Variants in HDAC7 observed in about 807,000 individuals in gnomAD.
The protein encoded by HDAC7 is histone deacetylase 7.
Under a neutral mutation model 115.5 loss-of-function variants are expected in HDAC7, and 26 were observed. The observed-to-expected ratio is 0.23, with a 90% CI of 0.16 to 0.31. The LOEUF (loss-of-function observed/expected upper bound fraction) is 0.31. Ranked by LOEUF, HDAC7 falls within the 10% of genes least tolerant of loss-of-function variation. The pLI is 1.00. For missense variants in HDAC7, 1,068 were observed against 1,329.0 expected, an observed-to-expected ratio of 0.80 and a Z score of 3.05; for synonymous variants, 564 against 550.9, an observed-to-expected ratio of 1.02 and a Z score of -0.33.
intron 1 of HDAC7, among the ~76,000 whole-genome samples, chr12:47,809,763 G>C (rs60262639): frequency 0.013 from 1,995 of 151,856 alleles, 55 homozygotes; most frequent in African/African-American, 0.046. Flanking sequence ...TAGAGACGGG[G>C]TTTCACCCTG....
chr12:47,799,524 T>A (rs1009279693), intron 2 of HDAC7, among the ~76,000 whole-genome samples: 1 of 152,158 alleles, frequency 6.6e-6, no homozygotes, highest in African/African-American at 2.4e-5. Context: ...TGAGATAAAG[T>A]GATGCCTCAA....
Position 47,785,427 on chromosome 12 carries a change from G to C in HDAC7, c.2751C>G (p.Leu917=). The change falls in exon 24 of 26, where the codon CTC becomes CTG. Residue 917 remains leucine, a synonymous_variant. Coordinates refer to ENST00000080059, the MANE Select transcript of HDAC7 (RefSeq NM_015401.5). ...SEEGWKQKPN[L]NAIRSLEAVI... Reference sequence around the variant, plus strand: ...CGGCCTCCAGAGAGCGGATGGCATTGAGGTTGGGTTTCTGTTTCCAGCCTT... The same window carrying C: ...CGGCCTCCAGAGAGCGGATGGCATTCAGGTTGGGTTTCTGTTTCCAGCCTT... 6.2e-7 allele frequency: 1 copy of C among 1,613,214 alleles called. No individual in the cohort carries two copies. The highest frequency in any genetic ancestry group is 1.1e-5 in the South Asian group (1 of 90,908).
At chr12:47,802,604 T>C in intron 1 of HDAC7, 1 of 851,180 alleles carries the variant, frequency 1.2e-6, no homozygotes. Context: ...GATACAATCT[T>C]CCCTGGGCAG....
In HDAC7 at chr12:47,783,568, C is replaced by T; in HGVS notation, c.*273G>A. ...AGTCCTGAGGAATGGGGGCCACAGC[C>T]AGGGCCCATACTGGAGGGGAGAATC... is the stretch of plus-strand genomic sequence containing the variant. On this transcript the variant is annotated 3_prime_UTR_variant, in exon 26 of 26. Coordinates refer to ENST00000080059, the MANE Select transcript of HDAC7 (RefSeq NM_015401.5). 1 of 503,902 alleles carries T rather than the reference C, an allele frequency of 2.0e-6. No homozygotes were observed. Among genetic ancestry groups the T allele is most frequent in the South Asian group, 2.1e-5 (1 of 48,328 alleles). 31.2% of individuals were successfully genotyped at this position (503,902 alleles called of 1,614,324 possible).
Position 47,798,707 on chromosome 12 carries a change from G to T in HDAC7, c.259-55C>A. 1 of 1,576,642 alleles carries T rather than the reference G, an allele frequency of 6.3e-7. No individual in the cohort carries two copies. Among genetic ancestry groups the T allele is most frequent in the Non-Finnish European group, 8.6e-7 (1 of 1,159,560 alleles). On this transcript the variant is annotated intron_variant, in intron 3 of 25. Coordinates refer to ENST00000080059, the MANE Select transcript of HDAC7 (RefSeq NM_015401.5). The surrounding 1 kb of genome is among the most constrained non-coding windows in gnomAD (Gnocchi z 4.3). ...GACAAGGAGTTGAGGACTGAGACTG[G>T]TGTCTAGGGATGCTGAAGGCGGGGA... is the stretch of plus-strand genomic sequence containing the variant.
chr12:47,802,066 C>T (rs1592676398), intron 2 of HDAC7, among the ~76,000 whole-genome samples, 158 bp downstream of exon 2: 1 of 152,218 alleles, frequency 6.6e-6, no homozygotes, highest in Non-Finnish European at 1.5e-5. Context: ...TCTCTTACCC[C>T]GGCTCCTCGC....
At position 47,795,664 on chromosome 12, in the gene HDAC7, G is replaced by C; in HGVS notation, c.1010C>G (p.Ala337Gly). Residue 337 changes from alanine to glycine, a missense_variant, in exon 10 of 26, where the codon GCT becomes GGT. By Grantham distance (60) the Ala-to-Gly change is moderately conservative. Around this residue, in one of 6 missense-constraint regions of HDAC7, gnomAD observed 618 missense variants for 701.5 expected, o/e 0.88. Transcript: ENST00000080059. The surrounding 1 kb of genome is among the most constrained non-coding windows in gnomAD (Gnocchi z 4.3). ...LFLPHGLEPE[A>G]GGTLPSRLQP... ...CAGGCGAGAGGGCAAGGTGCCCCCA[G>C]CCTCGGGCTCCAAGCCATGGGGCAG... 1 of 1,552,846 alleles carries C rather than the reference G, an allele frequency of 6.4e-7. No homozygotes were observed. Among genetic ancestry groups the C allele is most frequent in the Non-Finnish European group, 8.7e-7 (1 of 1,147,954 alleles).
Position 47,798,564 on chromosome 12 carries a change from C to G in HDAC7, c.347G>C (p.Arg116Pro), listed in dbSNP as rs751520680. The change falls in exon 4 of 26, where the codon CGA (arginine) becomes CCA (proline). Residue 116 changes from arginine (R) to proline (P), a missense_variant and splice_region_variant. Arg to Pro is a moderately radical substitution (Grantham distance 103). Around this residue, in one of 6 missense-constraint regions of HDAC7, gnomAD observed 161 missense variants for 158.5 expected, o/e 1.02. Transcript: ENST00000080059. This position sits in a 1 kb window ranked among gnomAD's most constrained non-coding sequence, Gnocchi z 4.3. ...RQLLHKDKSK[R>P]SAVASSVVKQ... ...GGCTGGGGTGGCCACCTCCTTACTT[C>G]GCTTGCTCTTGTCCTTGTGGAGAAG... The G allele has an allele frequency of 6.2e-7, 1 of 1,613,678 alleles. No homozygotes were observed. Among genetic ancestry groups the G allele is most frequent in the South Asian group, 1.1e-5 (1 of 91,062 alleles).
In HDAC7 at chr12:47,798,140, T is replaced by G. The variant is rs1943967289; in HGVS notation, c.429A>C (p.Thr143=). ...GAATGCCGGGGCTGTTGGGATGGACTGTTCTTTCTAGGGCCGCCTGCTGTT... is the reference window on the plus strand; with the variant it reads ...GAATGCCGGGGCTGTTGGGATGGACGGTTCTTTCTAGGGCCGCCTGCTGTT... ...LKKQQAALER[T]VHPNSPGIPY... Residue 143 remains threonine, a synonymous_variant, in exon 5 of 26, where the codon ACA becomes ACC. Transcript: ENST00000080059. The surrounding 1 kb of genome is among the most constrained non-coding windows in gnomAD (Gnocchi z 4.3). The G allele has an allele frequency of 3.1e-6, 5 of 1,613,740 alleles. No individual in the cohort carries two copies. The highest frequency in any genetic ancestry group is 3.4e-6 in the Non-Finnish European group (4 of 1,179,836).
intron 19 of HDAC7, chr12:47,788,455 G>A (rs867773348): frequency 7.5e-6 from 2 of 267,420 alleles, no homozygotes; most frequent in Non-Finnish European, 7.1e-6. Context: ...TGGACATGGG[G>A]TTAGTGGCAA....
rs1006311319 is a variant in HDAC7 at position 47,803,828 on chromosome 12, C to G, written c.20-1554G>C. Among the ~76,000 whole-genome samples the G allele has an allele frequency of 1.3e-5, 2 of 152,204 alleles. No individual in the cohort carries two copies. The highest frequency in any genetic ancestry group is 1.3e-4 in the Admixed American group (2 of 15,290). On this transcript the variant is annotated intron_variant, in intron 1 of 25. Coordinates refer to ENST00000080059, the MANE Select transcript of HDAC7 (RefSeq NM_015401.5). The surrounding 1 kb of genome is among the most constrained non-coding windows in gnomAD (Gnocchi z 4.0). Reference sequence around the variant, plus strand: ...GGCCTCAGAGGCAAACTCCCCTCCCCACGACATGGTAACCCCCAATCCCAG... The same window carrying G: ...GGCCTCAGAGGCAAACTCCCCTCCCGACGACATGGTAACCCCCAATCCCAG...
At chr12:47,784,017 C>T in intron 25 of HDAC7, 62 bp downstream of exon 25, 1 of 1,605,006 alleles carries the variant, frequency 6.2e-7, no homozygotes, top group Non-Finnish European at 8.5e-7. Context: ...CCGGGGTCTT[C>T]AAGCAGGGAG....
chr12:47,794,501 C>T (rs566557263), intron 12 of HDAC7, among the ~76,000 whole-genome samples: 80 of 152,344 alleles, frequency 5.3e-4, no homozygotes, highest in African/African-American at 1.8e-3. Context: ...AAAGGACAGA[C>T]TCCTTCCTGG....
chr12:47,802,107 C>G, intron 2 of HDAC7, 117 bp downstream of exon 2: 3 of 1,134,506 alleles, frequency 2.6e-6, no homozygotes, highest in Non-Finnish European at 3.8e-6. Flanking sequence ...TCCTGGCTCT[C>G]TGGCAGATCA....
Position 47,795,932 on chromosome 12 carries a change from T to C in HDAC7, c.880A>G (p.Thr294Ala). The C allele has an allele frequency of 6.5e-7, 1 of 1,550,346 alleles. No individual in the cohort carries two copies. The highest frequency in any genetic ancestry group is 8.7e-7 in the Non-Finnish European group (1 of 1,147,874). Residue 294 changes from threonine (T) to alanine (A), a missense_variant, in exon 9 of 26, where the codon ACT becomes GCT. By Grantham distance (58) the Thr-to-Ala change is moderately conservative (BLOSUM62 0). Transcript: ENST00000080059. This position sits in a 1 kb window ranked among gnomAD's most constrained non-coding sequence, Gnocchi z 4.3. ...CTGGCAGGGGCGGGCAGCCCCAGAG[T>C]GATTGCGGGCAGCAAGGACACTGTC... ...LPTVSLLPAI[T>A]LGLPAPARAD...
At chr12:47,784,272 G>A in intron 24 of HDAC7, 55 bp from the exon 25 acceptor site, 1 of 1,554,640 alleles carries the variant, frequency 6.4e-7, no homozygotes, top group Non-Finnish European at 8.7e-7. Context: ...CCTCCACACT[G>A]CGTCCTAGAC....
intron 14 of HDAC7, 51 bp downstream of exon 14, chr12:47,791,820 C>CCCAA: frequency 6.3e-7 from 1 of 1,581,680 alleles, no homozygotes; most frequent in Non-Finnish European, 8.6e-7. Flanking sequence ...CCCTCCCCTC[C>CCCAA]CATGACTCCT....
intron 24 of HDAC7, chr12:47,785,041 A>G (rs1309716903): frequency 1.8e-6 from 1 of 567,556 alleles, no homozygotes; most frequent in Non-Finnish European, 3.1e-6. Context: ...GCCTGTGGCC[A>G]GGACTGAGGG....
rs1239995154 is a variant in HDAC7, at chr12:47,796,404, G to A, written c.704-106C>T. 21 of 672,482 alleles carry A rather than the reference G, an allele frequency of 3.1e-5. 1 individual carries two copies. Among genetic ancestry groups the A allele is most frequent in the South Asian group, 2.0e-4 (10 of 51,186 alleles). 41.7% of individuals were successfully genotyped at this position (672,482 alleles called of 1,614,324 possible). A position where few individuals can be genotyped will look rare whatever the true frequency, so the allele number is the denominator to read the frequency against. On this transcript the variant is annotated intron_variant, in intron 7 of 25. Coordinates refer to ENST00000080059, the MANE Select transcript of HDAC7 (RefSeq NM_015401.5). ...ACCCGGGAGCACCCCCTTCCTTAACGAGCACCTTTGCTTCCTGCTTTCTTT... is the reference window on the plus strand; with the variant it reads ...ACCCGGGAGCACCCCCTTCCTTAACAAGCACCTTTGCTTCCTGCTTTCTTT...
Sources: gnomAD v4.1 joint callset for allele counts (sites outside exome capture counted in the v4.1 genomes callset) on GRCh38, gnomAD v4.1.1 for gene constraint, gnomAD v4.1.1 regional missense constraint, Gnocchi (gnomAD v3.1) non-coding constraint, MANE v1.5 for transcripts, NCBI Gene and HGNC (gene_info 2026-07-23, HGNC 2026-07-21) for gene names.